The following ATAD3A variants were observed in gnomAD, a reference collection of about 807,000 sequenced individuals.
ATAD3A encodes ATPase family AAA domain containing 3A.
Under a neutral mutation model 73.8 loss-of-function variants are expected in ATAD3A, and 46 were observed. The ratio of observed to expected loss-of-function variants is 0.62; its 90% CI spans 0.49 to 0.80. The LOEUF (loss-of-function observed/expected upper bound fraction) is 0.80. Among genes scored for constraint, ATAD3A ranks in the 30% least tolerant of loss-of-function variants. The probability of loss-of-function intolerance (pLI) is 0.00; values close to 1 mark genes in which losing one functional copy is unlikely to be tolerated. For missense variants in ATAD3A, 705 were observed against 838.0 expected, an observed-to-expected ratio of 0.84 and a Z score of 1.96; for synonymous variants, 319 against 350.0, an observed-to-expected ratio of 0.91 and a Z score of 0.99.
rs1570338563 is a variant in ATAD3A, at chr1:1,522,657, A to G, written c.751-87A>G. 1.9e-6 allele frequency: 3 copies of G among 1,578,042 alleles called. No individual in the cohort carries two copies. The East Asian group carries it at 6.8e-5, about 36-fold the overall frequency. Reference sequence around the variant, plus strand: ...CCCTGTGCTTCTCCCTCGGGCGGAGAGAGGGTGGGGGCAGCCCCGTGCGTC... The same window carrying G: ...CCCTGTGCTTCTCCCTCGGGCGGAGGGAGGGTGGGGGCAGCCCCGTGCGTC... On this transcript the variant is annotated intron_variant, in intron 7 of 15. Transcript: ENST00000378756.
intron 14 of ATAD3A, 59 bp downstream of exon 14, chr1:1,527,921 C>T: frequency 1.3e-6 from 2 of 1,534,248 alleles, no homozygotes; most frequent in Non-Finnish European, 1.8e-6. Flanking sequence ...TCCACCCCGA[C>T]CCACAGTCCA....
chr1:1,531,451 A>AAAAACG (rs992075935), intron 15 of ATAD3A, among the ~76,000 whole-genome samples: 6 of 151,050 alleles, frequency 4.0e-5, no homozygotes, highest in Non-Finnish European at 8.8e-5. Flanking sequence ...CTCCATCCCA[A>AAAAACG]AAAACGAAAA....
intron 1 of ATAD3A, among the ~76,000 whole-genome samples, chr1:1,513,270 C>T (rs1641256472): frequency 6.6e-6 from 1 of 151,854 alleles, no homozygotes; most frequent in African/African-American, 2.4e-5. Flanking sequence ...TGGAGGGTTC[C>T]TTTGTGTCCT....
rs1342494577 is a variant in ATAD3A, at chr1:1,523,405, G to C, written c.907-106G>C. 10 of 1,521,690 alleles carry C rather than the reference G, an allele frequency of 6.6e-6. No individual in the cohort carries two copies. Among genetic ancestry groups the C allele is most frequent in the African/African-American group, 1.4e-5 (1 of 72,424 alleles). The allele number at this position is 1,521,690 out of a possible 1,614,324, so 94.3% of individuals were successfully genotyped here. On this transcript the variant is annotated intron_variant, in intron 8 of 15. Transcript: ENST00000378756. The surrounding 1 kb of genome is among the most constrained non-coding windows in gnomAD (Gnocchi z 5.1). The stretch of plus-strand genomic sequence containing the variant: ...TCCGGGCCGGTCCTGGCTGTGCTTT[G>C]GGGCAGCTCCGTTTCTGCGTGTTAC...
At chr1:1,519,039 G>A (rs767255017) in intron 5 of ATAD3A, 49 bp downstream of exon 5, 5 of 1,613,696 alleles carry the variant, frequency 3.1e-6, no homozygotes, top group Middle Eastern at 1.7e-4. Flanking sequence ...GGGGCTGCTT[G>A]TGGACCCGGC....
intron 2 of ATAD3A, 95 bp from the exon 3 acceptor site, chr1:1,517,216 G>T: frequency 1.9e-6 from 3 of 1,545,246 alleles, no homozygotes; most frequent in Non-Finnish European, 2.6e-6. Context: ...TGGGCATGGA[G>T]TCTCTGCCGT....
intron 4 of ATAD3A, among the ~76,000 whole-genome samples, chr1:1,518,476 G>GC (rs1165151231): frequency 8.0e-5 from 6 of 75,078 alleles, no homozygotes; most frequent in Non-Finnish European, 1.3e-4. Flanking sequence ...CATGGGCACA[G>GC]CCCCCCCGCA....
Position 1,520,170 on chromosome 1 carries a change from C to T in ATAD3A, c.544C>T (p.His182Tyr). ...CGTGGAGCGGGAGATGGAGCTGCGG[C>T]ACAAGAATGAGATGCTGCGAGTGGA... ...ATVEREMELR[H>Y]KNEMLRVEAE... The change falls in exon 6 of 16, where the codon CAC becomes TAC. Residue 182 changes from histidine (H) to tyrosine (Y), a missense_variant. By Grantham distance (83) the His-to-Tyr change is moderately conservative. Around this residue, in one of 5 missense-constraint regions of ATAD3A, gnomAD observed 315 missense variants for 334.1 expected, o/e 0.94. Coordinates refer to ENST00000378756, the MANE Select transcript of ATAD3A (RefSeq NM_001170535.3). This position sits in a 1 kb window ranked among gnomAD's most constrained non-coding sequence, Gnocchi z 4.0. 2 of 1,611,688 alleles carry T rather than the reference C, an allele frequency of 1.2e-6. No individual in the cohort carries two copies. Among genetic ancestry groups the T allele is most frequent in the Non-Finnish European group, 8.5e-7 (1 of 1,179,602 alleles).
In ATAD3A at chr1:1,523,749, G is replaced by T. The variant is rs1641694277; in HGVS notation, c.964-90G>T. 11 of 1,597,590 alleles carry T rather than the reference G, an allele frequency of 6.9e-6. No individual in the cohort carries two copies. The South Asian group carries it at 1.2e-4, about 18-fold the overall frequency. On this transcript the variant is annotated intron_variant, in intron 9 of 15. Transcript: ENST00000378756. This position sits in a 1 kb window ranked among gnomAD's most constrained non-coding sequence, Gnocchi z 5.1. ...GAGGTGGGAGGCTTCCCGAGGAGCC[G>T]AGTCTGCACCCAGGCATTCCCGCAG...
rs138599210 is a variant in ATAD3A, at chr1:1,534,494, C to T, written c.*422C>T. On this transcript the variant is annotated 3_prime_UTR_variant, in exon 16 of 16. Transcript: ENST00000378756. ...AGGGGGCGCCTGCCAGGGCCAGACC[C>T]AGGTGGGGCAGCCTGAACCCTGCTT... 1 of 852,154 alleles carries T rather than the reference C, an allele frequency of 1.2e-6. No homozygotes were observed. The highest frequency in any genetic ancestry group is 1.6e-6 in the Non-Finnish European group (1 of 641,380). The allele number at this position is 852,154 out of a possible 1,614,324, so 52.8% of individuals were successfully genotyped here.
chr1:1,523,854 C>G lies in ATAD3A; in HGVS notation c.979C>G (p.Arg327Gly), dbSNP rs747533461. ...GVVLSPSLEA[R>G]VRDIAIATRN... Reference sequence around the variant, plus strand: ...TCCCCGGCAGCCCAGCCTGGAAGCACGGGTGCGCGACATCGCCATAGCAAC... The same window carrying G: ...TCCCCGGCAGCCCAGCCTGGAAGCAGGGGTGCGCGACATCGCCATAGCAAC... The change falls in exon 10 of 16, where the codon CGG (arginine) becomes GGG (glycine). Residue 327 changes from arginine to glycine, a missense_variant. This residue lies in a region of ATAD3A where 315 missense variants were observed against 334.1 expected (regional missense o/e 0.94). Coordinates refer to ENST00000378756, the MANE Select transcript of ATAD3A (RefSeq NM_001170535.3). The surrounding 1 kb of genome is among the most constrained non-coding windows in gnomAD (Gnocchi z 5.1). The G allele has an allele frequency of 3.2e-5, 51 of 1,613,856 alleles. No individual in the cohort carries two copies. The highest frequency in any genetic ancestry group is 4.0e-5 in the Non-Finnish European group (47 of 1,180,002).
At chr1:1,530,838 A>C (rs1218729187) in intron 15 of ATAD3A, among the ~76,000 whole-genome samples, 2 of 139,800 alleles carry the variant, frequency 1.4e-5, no homozygotes, top group Non-Finnish European at 3.0e-5. Context: ...CAAAAAAAAA[A>C]AAAAAAAAAA....
At chr1:1,527,551 G>T in intron 13 of ATAD3A, 144 bp from the exon 14 acceptor site, 1 of 1,214,098 alleles carries the variant, frequency 8.2e-7, no homozygotes, top group Middle Eastern at 2.7e-4. Flanking sequence ...GTGCAGTGGG[G>T]CAGGTGGCCG....
chr1:1,512,172 A>G lies in ATAD3A; in HGVS notation c.-97A>G, dbSNP rs892123263. On this transcript the variant is annotated 5_prime_UTR_variant, in exon 1 of 16. Transcript: ENST00000378756. ...GTGTGGCGCCTGCGCAGTGGCGGTG[A>G]CCACCGGCTCGCGGCGCGTGGAGGC... is the stretch of plus-strand genomic sequence containing the variant. 1.3e-5 allele frequency: 16 copies of G among 1,216,906 alleles called. No individual in the cohort carries two copies. Among genetic ancestry groups the G allele is most frequent in the South Asian group, 1.2e-4 (3 of 25,280 alleles). The allele number at this position is 1,216,906 out of a possible 1,614,324, so 75.4% of individuals were successfully genotyped here.
rs1641657561 is a variant in ATAD3A at position 1,522,916 on chromosome 1, G to A, written c.906+17G>A. 6 of 1,605,132 alleles carry A rather than the reference G, an allele frequency of 3.7e-6. No individual in the cohort carries two copies. The highest frequency in any genetic ancestry group is 5.1e-6 in the Non-Finnish European group (6 of 1,179,014). ...CCCATCCAGGTAGCAGCGCAGGCCT[G>A]GCCCTCCCTGAGTGCAGTTCCTGGC... On this transcript the variant is annotated intron_variant, in intron 8 of 15. Transcript: ENST00000378756.
chr1:1,521,329 A>G (rs1015090028), intron 7 of ATAD3A, among the ~76,000 whole-genome samples: 2 of 149,536 alleles, frequency 1.3e-5, no homozygotes, highest in South Asian at 4.2e-4. Flanking sequence ...AAAAAAAAAA[A>G]CCAGAAGGCA....
At chr1:1,519,120 G>A in intron 5 of ATAD3A, 130 bp downstream of exon 5, 1 of 1,559,218 alleles carries the variant, frequency 6.4e-7, no homozygotes, top group Non-Finnish European at 8.7e-7. Flanking sequence ...GGCCTGCTGG[G>A]GCTCCGCGGG....
rs1461012988 is a variant in ATAD3A at position 1,520,405 on chromosome 1, G to A, written c.680+99G>A. 78 of 1,592,210 alleles carry A rather than the reference G, an allele frequency of 4.9e-5. No homozygotes were observed. The highest frequency in any genetic ancestry group is 1.9e-4 in the Admixed American group (11 of 58,988). On this transcript the variant is annotated intron_variant, in intron 6 of 15. Coordinates refer to ENST00000378756, the MANE Select transcript of ATAD3A (RefSeq NM_001170535.3). This position sits in a 1 kb window ranked among gnomAD's most constrained non-coding sequence, Gnocchi z 4.0. ...TCCAGCTCTTCCAGGCCTTGCCGCCGTAGGCTGACTCCTTGGTGGGGGCAC... is the reference window on the plus strand; with the variant it reads ...TCCAGCTCTTCCAGGCCTTGCCGCCATAGGCTGACTCCTTGGTGGGGGCAC...
rs774190412 is a variant in ATAD3A at position 1,527,691 on chromosome 1, G to A, written c.1338-4G>A. 1.0e-5 allele frequency: 16 copies of A among 1,606,580 alleles called. No homozygotes were observed. Among genetic ancestry groups the A allele is most frequent in the Non-Finnish European group, 1.2e-5 (14 of 1,175,576 alleles). ...GCATCCTCATCCTCATCCCCGCCCC[G>A]CAGGTTCATGCTGGTCCTGGCCAGC... On this transcript the variant is annotated splice_region_variant and splice_polypyrimidine_tract_variant and intron_variant, in intron 13 of 15. Coordinates refer to ENST00000378756, the MANE Select transcript of ATAD3A (RefSeq NM_001170535.3).
Sources: allele counts gnomAD v4.1 joint callset (sites outside exome capture counted in the v4.1 genomes callset), GRCh38; gene constraint gnomAD v4.1.1; regional missense constraint gnomAD v4.1.1; non-coding constraint Gnocchi (gnomAD v3.1); transcripts MANE v1.5; gene names NCBI Gene and HGNC (gene_info 2026-07-23, HGNC 2026-07-21).